The following GABRA4 variants were observed in gnomAD, a reference collection of about 807,000 sequenced individuals.
The protein encoded by GABRA4 is gamma-aminobutyric acid receptor subunit alpha-4.
GABRA4 carries 12 observed loss-of-function variants against 49.7 expected under a neutral mutation model. That is an observed-to-expected ratio of 0.24 (90% CI 0.15 to 0.39). The LOEUF (loss-of-function observed/expected upper bound fraction) is 0.39, where lower values mean the gene tolerates loss of function less well. Among genes scored for constraint, GABRA4 ranks in the 10% least tolerant of loss-of-function variants. The pLI, the probability that GABRA4 is intolerant of heterozygous loss-of-function variation, is 1.00. For synonymous variants in GABRA4, 288 were observed against 240.2 expected, an observed-to-expected ratio of 1.20 and a Z score of -1.84; for missense variants, 506 against 686.0, an observed-to-expected ratio of 0.74 and a Z score of 2.93.
intron 6 of GABRA4, among the ~76,000 whole-genome samples, chr4:46,973,149 T>C (rs1723009364): frequency 6.6e-6 from 1 of 151,758 alleles, no homozygotes; most frequent in African/African-American, 2.4e-5. Flanking sequence ...TGGAAATAAT[T>C]TAGAAGGGTG....
chr4:46,985,008 A>G (rs1723483260), intron 2 of GABRA4, among the ~76,000 whole-genome samples: 2 of 152,048 alleles, frequency 1.3e-5, no homozygotes, highest in Admixed American at 1.3e-4. Context: ...ACAATCTTGG[A>G]AACAAGCAAA....
rs182595265 is a variant in GABRA4 at position 46,976,652 on chromosome 4, A to G, written c.577+409T>C. Among the ~76,000 whole-genome samples, 46 of 151,838 alleles carry G rather than the reference A, an allele frequency of 3.0e-4. No individual in the cohort carries two copies. In the East Asian group the frequency reaches 8.6e-3, roughly 28 times the overall value. On this transcript the variant is annotated intron_variant, in intron 5 of 8. Transcript: ENST00000264318. The stretch of plus-strand genomic sequence containing the variant: ...TTAGCTATGAAGGACTGCTTACAAT[A>G]GAATATCTATATATCTATCTATGTA...
intron 8 of GABRA4, among the ~76,000 whole-genome samples, chr4:46,958,167 A>G (rs937809456): frequency 6.6e-6 from 1 of 151,972 alleles, no homozygotes; most frequent in African/African-American, 2.4e-5. Flanking sequence ...TAATTTCGAT[A>G]TTAGGTTTAC....
At chr4:46,953,935 A>AC (rs974083587) in intron 8 of GABRA4, among the ~76,000 whole-genome samples, 2 of 151,932 alleles carry the variant, frequency 1.3e-5, no homozygotes, top group Non-Finnish European at 2.9e-5. Flanking sequence ...TTGGATCTAG[A>AC]CCCCCAAGTT....
intron 2 of GABRA4, among the ~76,000 whole-genome samples, chr4:46,983,052 C>A (rs945037509): frequency 8.6e-5 from 13 of 152,044 alleles, no homozygotes; most frequent in African/African-American, 2.9e-4. Flanking sequence ...TCACGACACC[C>A]TCCAAAGGCG....
intron 8 of GABRA4, among the ~76,000 whole-genome samples, chr4:46,963,437 A>G (rs1222871555): frequency 1.3e-5 from 2 of 151,790 alleles, no homozygotes; most frequent in Non-Finnish European, 2.9e-5. Flanking sequence ...GTGATAGTGC[A>G]TAAGTCTCAC....
rs1553903640 is a variant in GABRA4, at chr4:46,950,716, A to AAAATAAATACATAAATAAAT, written c.1134+14253_1134+14254insATTTATTTATGTATTTATTT. Among the ~76,000 whole-genome samples, 60 of 140,316 alleles carry AAAATAAATACATAAATAAAT rather than the reference A, an allele frequency of 4.3e-4. No homozygotes were observed. The Middle Eastern group carries it at 0.011, about 25-fold the overall frequency. 92.1% of individuals were successfully genotyped at this position (140,316 alleles called of 152,430 possible). ...TTTTAAGCTAATGATATTCTCTAAG[A>AAAATAAATACATAAATAAAT]AAATAAATAAATAAATAAATAAATA... On this transcript the variant is annotated intron_variant, in intron 8 of 8. Transcript: ENST00000264318.
chr4:46,957,468 A>C (rs1281345703), intron 8 of GABRA4, among the ~76,000 whole-genome samples: 1 of 152,010 alleles, frequency 6.6e-6, no homozygotes, highest in Non-Finnish European at 1.5e-5. Context: ...AATGGAAATA[A>C]AGAGAAATAG....
At chr4:46,988,024 C>T (rs571808320) in intron 2 of GABRA4, among the ~76,000 whole-genome samples, 1 of 152,220 alleles carries the variant, frequency 6.6e-6, no homozygotes, top group South Asian at 2.1e-4. Context: ...CACTGGACTC[C>T]TCTCACCATC....
chr4:46,967,273 T>C (rs1270547733), intron 7 of GABRA4, among the ~76,000 whole-genome samples: 2 of 151,342 alleles, frequency 1.3e-5, no homozygotes, highest in East Asian at 1.9e-4. Context: ...CAGAAAATTC[T>C]ACACACACCA....
intron 8 of GABRA4, among the ~76,000 whole-genome samples, chr4:46,952,456 T>A (rs1722204394): frequency 6.6e-6 from 1 of 152,072 alleles, no homozygotes; most frequent in Non-Finnish European, 1.5e-5. Flanking sequence ...TACATAAAAA[T>A]TTTCTTTTTC....
At chr4:46,985,370 G>A (rs896077416) in intron 2 of GABRA4, among the ~76,000 whole-genome samples, 4 of 151,910 alleles carry the variant, frequency 2.6e-5, no homozygotes, top group Non-Finnish European at 2.9e-5. Flanking sequence ...TACACTTTGT[G>A]CTGGTTGGTG....
At chr4:46,940,631 T>C (rs1056965112) in intron 8 of GABRA4, among the ~76,000 whole-genome samples, 1 of 152,052 alleles carries the variant, frequency 6.6e-6, no homozygotes, top group African/African-American at 2.4e-5. Context: ...ACAAATCTAC[T>C]CCATCTATAG....
chr4:46,935,543 G>A (rs1721576851), intron 8 of GABRA4, among the ~76,000 whole-genome samples: 2 of 152,064 alleles, frequency 1.3e-5, no homozygotes, highest in East Asian at 3.9e-4. Flanking sequence ...ATGAAAATAT[G>A]GCCATCATGT....
At chr4:46,939,510 A>C (rs1721719735) in intron 8 of GABRA4, among the ~76,000 whole-genome samples, 1 of 152,048 alleles carries the variant, frequency 6.6e-6, no homozygotes, top group East Asian at 1.9e-4. Context: ...CTCTCCCAGC[A>C]TGATACAATT....
chr4:46,992,392 C>T (rs1723787720), intron 2 of GABRA4, among the ~76,000 whole-genome samples: 1 of 152,208 alleles, frequency 6.6e-6, no homozygotes, highest in African/African-American at 2.4e-5. Flanking sequence ...CCAGGTAGAA[C>T]ATTGGCCAAG....
intron 8 of GABRA4, among the ~76,000 whole-genome samples, chr4:46,957,099 T>C (rs1280489863): frequency 6.6e-6 from 1 of 151,998 alleles, no homozygotes; most frequent in Non-Finnish European, 1.5e-5. Context: ...CTAAGCACTG[T>C]ACTGGGTACT....
chr4:46,947,535 G>A (rs1402951378), intron 8 of GABRA4, among the ~76,000 whole-genome samples: 2 of 151,690 alleles, frequency 1.3e-5, no homozygotes, highest in Non-Finnish European at 2.9e-5. Flanking sequence ...CAGGAAGGAA[G>A]CAAAGGGGAG....
chr4:46,954,919 A>T (rs1021842636), intron 8 of GABRA4, among the ~76,000 whole-genome samples: 1 of 152,126 alleles, frequency 6.6e-6, no homozygotes, highest in East Asian at 1.9e-4. Context: ...ACCAAGGCTC[A>T]GTTTGCTCAA....
Sources: gnomAD v4.1 joint callset for allele counts (sites outside exome capture counted in the v4.1 genomes callset) on GRCh38, gnomAD v4.1.1 for gene constraint, MANE v1.5 for transcripts, NCBI Gene and HGNC (gene_info 2026-07-23, HGNC 2026-07-21) for gene names.